Variants in MAST4 observed in about 807,000 individuals in gnomAD.
MAST4 encodes the protein microtubule-associated serine/threonine-protein kinase 4.
Under a neutral mutation model 162.7 loss-of-function variants are expected in MAST4, and 89 were observed. The observed-to-expected ratio is 0.55, with a 90% CI of 0.46 to 0.65. MAST4 has a LOEUF of 0.65. Ranked by LOEUF, MAST4 falls within the 30% of genes least tolerant of loss-of-function variation. The pLI is 0.00. For missense variants in MAST4, 3,153 were observed against 3,374.0 expected, an observed-to-expected ratio of 0.93 and a Z score of 1.62; for synonymous variants, 1,479 against 1,361.1, an observed-to-expected ratio of 1.09 and a Z score of -1.91.
At chr5:66,907,503 A>C (rs13185477) in intron 4 of MAST4, among the ~76,000 whole-genome samples, 4,964 of 152,008 alleles carry the variant, frequency 0.033, 148 homozygotes, top group African/African-American at 0.076. Context: ...GTATTGGATT[A>C]GGGTATTTCT....
chr5:66,979,491 A>G (rs936751938), intron 4 of MAST4, among the ~76,000 whole-genome samples: 2 of 152,170 alleles, frequency 1.3e-5, no homozygotes, highest in African/African-American at 4.8e-5. Context: ...TTGGAGAAAC[A>G]CCTGAATGGC....
intron 1 of MAST4, among the ~76,000 whole-genome samples, chr5:66,708,258 G>A (rs73765316): frequency 0.047 from 7,223 of 152,148 alleles, 533 homozygotes; most frequent in African/African-American, 0.14. Context: ...ATCGAAGTCT[G>A]ACTACCTTGG....
At chr5:66,855,678 A>G (rs1187033039) in intron 3 of MAST4, among the ~76,000 whole-genome samples, 1 of 152,196 alleles carries the variant, frequency 6.6e-6, no homozygotes, top group Non-Finnish European at 1.5e-5. Flanking sequence ...ACTGAAAGAA[A>G]CACTCTGGAA....
intron 1 of MAST4, among the ~76,000 whole-genome samples, chr5:66,716,123 G>A (rs1355563209): frequency 6.6e-6 from 1 of 152,050 alleles, no homozygotes; most frequent in East Asian, 1.9e-4. Context: ...AAATGGAATG[G>A]AAATATAAAT....
intron 4 of MAST4, among the ~76,000 whole-genome samples, chr5:66,903,438 TTGTG>T (rs3042310): frequency 0.065 from 9,678 of 148,636 alleles, 571 homozygotes; most frequent in African/African-American, 0.15. Flanking sequence ...ACACCTGTGT[TTGTG>T]TGTGTGTGTG....
At chr5:66,655,293 G>A (rs1746475626) in intron 1 of MAST4, among the ~76,000 whole-genome samples, 1 of 152,164 alleles carries the variant, frequency 6.6e-6, no homozygotes, top group Admixed American at 6.6e-5. Context: ...ATAAGTTTAA[G>A]CATATTGTGT....
intron 1 of MAST4, among the ~76,000 whole-genome samples, chr5:66,713,681 G>A (rs565240611): frequency 6.6e-6 from 1 of 152,226 alleles, no homozygotes; most frequent in South Asian, 2.1e-4. Context: ...TTCGTAATAT[G>A]CCCTCTTGTG....
At chr5:66,889,913 T>C (rs914832062) in intron 3 of MAST4, among the ~76,000 whole-genome samples, 1 of 152,214 alleles carries the variant, frequency 6.6e-6, no homozygotes, top group Non-Finnish European at 1.5e-5. Flanking sequence ...TGGATTAGAA[T>C]ATGGGTATGT....
chr5:67,060,411 G>A (rs1406784966), intron 5 of MAST4, among the ~76,000 whole-genome samples: 1 of 151,776 alleles, frequency 6.6e-6, no homozygotes, highest in African/African-American at 2.4e-5. Flanking sequence ...AGAGAAGACA[G>A]TCTGGGGTAG....
chr5:66,847,838 A>AAAAAAAG (rs1758986721), intron 3 of MAST4, among the ~76,000 whole-genome samples: 1 of 150,972 alleles, frequency 6.6e-6, no homozygotes, highest in African/African-American at 2.4e-5. Flanking sequence ...AAAAAAAAAA[A>AAAAAAAG]AAAAAGAAAA....
chr5:66,948,768 C>T (rs1208582552), intron 4 of MAST4, among the ~76,000 whole-genome samples: 1 of 152,128 alleles, frequency 6.6e-6, no homozygotes, highest in African/African-American at 2.4e-5. Context: ...TTGAATTTAA[C>T]ACCCCTTGTG....
intron 3 of MAST4, among the ~76,000 whole-genome samples, chr5:66,869,139 G>A (rs745365117): frequency 4.6e-5 from 7 of 152,014 alleles, no homozygotes; most frequent in Admixed American, 1.3e-4. Flanking sequence ...TAGTAAGGGC[G>A]GTTCTTCACA....
At chr5:66,829,582 A>T (rs796180280) in intron 3 of MAST4, among the ~76,000 whole-genome samples, 1 of 152,204 alleles carries the variant, frequency 6.6e-6, no homozygotes, top group Non-Finnish European at 1.5e-5. Context: ...AAGCCAGAAC[A>T]TAAGTATGTT....
intron 1 of MAST4, among the ~76,000 whole-genome samples, chr5:66,670,834 A>T (rs1194026640): frequency 6.6e-6 from 1 of 152,088 alleles, no homozygotes; most frequent in Non-Finnish European, 1.5e-5. Flanking sequence ...AACTAAAAAC[A>T]TTACTCAGAT....
intron 1 of MAST4, among the ~76,000 whole-genome samples, chr5:66,660,769 A>G (rs924857810): frequency 7.2e-5 from 11 of 152,252 alleles, no homozygotes; most frequent in Admixed American, 4.6e-4. Flanking sequence ...CATTATATAC[A>G]AATAATTATA....
At chr5:66,665,464 T>C (rs911569826) in intron 1 of MAST4, among the ~76,000 whole-genome samples, 1 of 152,232 alleles carries the variant, frequency 6.6e-6, no homozygotes, top group Non-Finnish European at 1.5e-5. Context: ...ATACTGTTTC[T>C]TAGCAGAGAA....
chr5:66,922,963 G>A (rs1454043737), intron 4 of MAST4, among the ~76,000 whole-genome samples: 4 of 152,056 alleles, frequency 2.6e-5, no homozygotes, highest in African/African-American at 7.3e-5. Context: ...TCATCTTCTC[G>A]GGCATCCAAC....
chr5:66,765,859 T>C (rs1754072170), intron 2 of MAST4, among the ~76,000 whole-genome samples: 1 of 152,206 alleles, frequency 6.6e-6, no homozygotes, highest in Non-Finnish European at 1.5e-5. Flanking sequence ...AGTGCCCTTT[T>C]TGCAGGGCTG....
At position 67,165,447 on chromosome 5, in the gene MAST4, C is replaced by T. The variant is rs1024103454; in HGVS notation, c.6268C>T (p.Arg2090Trp). The T allele has an allele frequency of 4.3e-6, 7 of 1,613,770 alleles. No homozygotes were observed. Among genetic ancestry groups the T allele is most frequent in the Middle Eastern group, 3.3e-4 (2 of 6,084 alleles). Reference sequence around the variant, plus strand: ...CAAGCCCGAAGCGCTTCTTGCCAGGCGGTCTCTGCAGCCACCTGGAATTGA... The same window carrying T: ...CAAGCCCGAAGCGCTTCTTGCCAGGTGGTCTCTGCAGCCACCTGGAATTGA... ...EPKPEALLARRSLQPPGIESE... is the reference protein window; with the variant it reads ...EPKPEALLARWSLQPPGIESE... The change falls in exon 29 of 29, where the codon CGG (arginine) becomes TGG (tryptophan). Residue 2090 changes from arginine to tryptophan, a missense_variant. Transcript: ENST00000403625.
Sources: allele counts gnomAD v4.1 joint callset (sites outside exome capture counted in the v4.1 genomes callset), GRCh38; gene constraint gnomAD v4.1.1; transcripts MANE v1.5; gene names NCBI Gene and HGNC (gene_info 2026-07-23, HGNC 2026-07-21).